Variants in MAPKBP1 observed in about 807,000 individuals in gnomAD.
MAPKBP1 encodes mitogen-activated protein kinase-binding protein 1.
In MAPKBP1, 71 loss-of-function variants were observed where a neutral mutation model predicts 170.5. That is an observed-to-expected ratio of 0.42 (90% CI 0.34 to 0.51). The LOEUF (loss-of-function observed/expected upper bound fraction) is 0.51, where lower values mean the gene tolerates loss of function less well. Among genes scored for constraint, MAPKBP1 ranks in the 20% least tolerant of loss-of-function variants. The pLI, the probability that MAPKBP1 is intolerant of heterozygous loss-of-function variation, is 0.06. For missense variants in MAPKBP1, 1,598 were observed against 1,933.0 expected (o/e 0.83, Z 3.25); for synonymous variants, 719 against 757.9 (o/e 0.95, Z 0.84).
chr15:41,818,431 A>C lies in MAPKBP1; in HGVS notation c.2093-88A>C. On this transcript the variant is annotated intron_variant, in intron 18 of 30. Transcript: ENST00000457542. The surrounding 1 kb of genome is among the most constrained non-coding windows in gnomAD (Gnocchi z 5.2). ...GCAGAGCTACCTATCCCTACCCTGC[A>C]GCCAACCCCCGTGTCCACTGTTGGG... 2 of 1,456,552 alleles carry C rather than the reference A, an allele frequency of 1.4e-6. No individual in the cohort carries two copies. The highest frequency in any genetic ancestry group is 1.9e-6 in the Non-Finnish European group (2 of 1,046,944). 90.2% of individuals were successfully genotyped at this position (1,456,552 alleles called of 1,614,324 possible). A position where few individuals can be genotyped will look rare whatever the true frequency, so the allele number is the denominator to read the frequency against.
At position 41,787,206 on chromosome 15, in the gene MAPKBP1, A is replaced by G. The variant is rs574242958; in HGVS notation, c.114+11817A>G. Reference sequence around the variant, plus strand: ...AATATTTTTTGATACTTTTTGAAGTACATGTGCTTTCTGAAAAGATTTGTT... The same window carrying G: ...AATATTTTTTGATACTTTTTGAAGTGCATGTGCTTTCTGAAAAGATTTGTT... On this transcript the variant is annotated intron_variant, in intron 2 of 30. Coordinates refer to ENST00000457542, the MANE Select transcript of MAPKBP1 (RefSeq NM_014994.3). Among the ~76,000 whole-genome samples the G allele has an allele frequency of 2.4e-4, 37 of 152,308 alleles. No homozygotes were observed. In the South Asian group the frequency reaches 7.3e-3, roughly 30 times the overall value.
At chr15:41,802,954 G>T (rs180862635) in intron 3 of MAPKBP1, among the ~76,000 whole-genome samples, 3 of 152,082 alleles carry the variant, frequency 2.0e-5, no homozygotes, top group Non-Finnish European at 4.4e-5. Flanking sequence ...ATAATCTTAC[G>T]GGACTACTGT....
chr15:41,790,993 T>A (rs924035717), intron 2 of MAPKBP1, among the ~76,000 whole-genome samples: 3 of 152,308 alleles, frequency 2.0e-5, no homozygotes, highest in Non-Finnish European at 2.9e-5. Flanking sequence ...TGGTAGAGAA[T>A]CTGCTTTGTG....
At chr15:41,787,812 T>C (rs2064326346) in intron 2 of MAPKBP1, among the ~76,000 whole-genome samples, 1 of 152,212 alleles carries the variant, frequency 6.6e-6, no homozygotes, top group East Asian at 1.9e-4. Flanking sequence ...TCTGTCTTTC[T>C]GGAAAGGCAT....
intron 5 of MAPKBP1, 105 bp from the exon 6 acceptor site, chr15:41,811,852 G>C (rs2064812263): frequency 8.9e-7 from 1 of 1,122,752 alleles, no homozygotes; most frequent in African/African-American, 1.5e-5. Flanking sequence ...GGAAGTGATG[G>C]TATCTAGTAG....
Position 41,811,734 on chromosome 15 carries a change from C to T in MAPKBP1, c.328-223C>T, listed in dbSNP as rs1275660273. 3 of 688,590 alleles carry T rather than the reference C, an allele frequency of 4.4e-6. No homozygotes were observed. The East Asian group carries it at 8.4e-5, about 19-fold the overall frequency. The allele number at this position is 688,590 out of a possible 1,614,324, so 42.7% of individuals were successfully genotyped here. A position where few individuals can be genotyped will look rare whatever the true frequency, so the allele number is the denominator to read the frequency against. On this transcript the variant is annotated intron_variant, in intron 5 of 30. Coordinates refer to ENST00000457542, the MANE Select transcript of MAPKBP1 (RefSeq NM_014994.3). ...TTGAACAACCTGAAGTACAGACGGC[C>T]ACCCAGAGATGCTGACTAAAATCCG...
chr15:41,819,547 C>CGGCGG lies in MAPKBP1; in HGVS notation c.2426-46_2426-45insCGGGG, dbSNP rs1555454018. 4.6e-5 allele frequency: 57 copies of CGGCGG among 1,235,850 alleles called. No individual in the cohort carries two copies. The Middle Eastern group carries it at 9.3e-4, about 20-fold the overall frequency. 76.6% of individuals were successfully genotyped at this position (1,235,850 alleles called of 1,614,324 possible). A position where few individuals can be genotyped will look rare whatever the true frequency, so the allele number is the denominator to read the frequency against. On this transcript the variant is annotated intron_variant, in intron 21 of 30. Coordinates refer to ENST00000457542, the MANE Select transcript of MAPKBP1 (RefSeq NM_014994.3). ...GGGCCAGGGCTCCAGGGTTGGGTGG[C>CGGCGG]GGGGGGGGGGCAGGAGACACTTCCT...
At chr15:41,784,193 T>C (rs2064240435) in intron 2 of MAPKBP1, among the ~76,000 whole-genome samples, 1 of 152,228 alleles carries the variant, frequency 6.6e-6, no homozygotes, top group Non-Finnish European at 1.5e-5. Context: ...TATAACATAA[T>C]AACCTGCTGC....
At chr15:41,793,024 G>A (rs746447344) in intron 2 of MAPKBP1, among the ~76,000 whole-genome samples, 7 of 151,854 alleles carry the variant, frequency 4.6e-5, no homozygotes, top group Non-Finnish European at 7.4e-5. Context: ...GGTTTTCTTC[G>A]CATACTTCCA....
At position 41,825,338 on chromosome 15, in the gene MAPKBP1, C is replaced by G. The variant is rs1451075354; in HGVS notation, c.4429C>G (p.Pro1477Ala). Residue 1477 changes from proline (P) to alanine (A), a missense_variant, in exon 31 of 31, where the codon CCT (proline) becomes GCT (alanine). By Grantham distance (27) the Pro-to-Ala change is conservative. This residue lies in a region of MAPKBP1 where 942 missense variants were observed against 953.2 expected (regional missense o/e 0.99). Coordinates refer to ENST00000457542, the MANE Select transcript of MAPKBP1 (RefSeq NM_014994.3). ...GAVLSSPGSS[P>A]GAVGAEQTQA... Reference sequence around the variant, plus strand: ...AGTGCTGTCCAGCCCAGGCAGCAGCCCTGGGGCTGTGGGAGCCGAGCAGAC... The same window carrying G: ...AGTGCTGTCCAGCCCAGGCAGCAGCGCTGGGGCTGTGGGAGCCGAGCAGAC... The G allele has an allele frequency of 1.9e-6, 3 of 1,613,404 alleles. No homozygotes were observed. Among genetic ancestry groups the G allele is most frequent in the Non-Finnish European group, 2.5e-6 (3 of 1,180,004 alleles).
intron 2 of MAPKBP1, among the ~76,000 whole-genome samples, chr15:41,787,761 T>C (rs2152070102): frequency 6.6e-6 from 1 of 152,290 alleles, no homozygotes; most frequent in South Asian, 2.1e-4. Context: ...GTTCTGTTTG[T>C]AATCATGTAT....
At chr15:41,814,001 A>G (rs917720399) in intron 9 of MAPKBP1, among the ~76,000 whole-genome samples, 4 of 152,160 alleles carry the variant, frequency 2.6e-5, no homozygotes, top group Admixed American at 2.6e-4. Flanking sequence ...GGGTGTTAGG[A>G]GGGACATATG....
chr15:41,825,452 C>T lies in MAPKBP1; in HGVS notation c.*16C>T. On this transcript the variant is annotated 3_prime_UTR_variant, in exon 31 of 31. Coordinates refer to ENST00000457542, the MANE Select transcript of MAPKBP1 (RefSeq NM_014994.3). ...CAAACTCTGAGTTCTGGAAGCCTGTCCCAAGTGAATGAATGCTCCAGCGAT... is the reference window on the plus strand; with the variant it reads ...CAAACTCTGAGTTCTGGAAGCCTGTTCCAAGTGAATGAATGCTCCAGCGAT... The T allele has an allele frequency of 6.3e-7, 1 of 1,581,382 alleles. No individual in the cohort carries two copies. Among genetic ancestry groups the T allele is most frequent in the Non-Finnish European group, 8.6e-7 (1 of 1,157,730 alleles).
At chr15:41,805,536 AG>A (rs1180913679) in intron 3 of MAPKBP1, among the ~76,000 whole-genome samples, 5 of 152,248 alleles carry the variant, frequency 3.3e-5, no homozygotes, top group African/African-American at 1.2e-4. Context: ...TGTCCCAGCA[AG>A]GTGACGGGGT....
chr15:41,817,488 CGGG>C lies in MAPKBP1; in HGVS notation c.1782+31_1782+33del. On this transcript the variant is annotated intron_variant, in intron 15 of 30. Coordinates refer to ENST00000457542, the MANE Select transcript of MAPKBP1 (RefSeq NM_014994.3). This position sits in a 1 kb window ranked among gnomAD's most constrained non-coding sequence, Gnocchi z 4.2. ...GGGCGCTGGGCTTTCCTGAGAGGGGCGGGACAGGGCGGGGTCTGCCATTCCCTG... is the reference window on the plus strand; with the variant it reads ...GGGCGCTGGGCTTTCCTGAGAGGGGCACAGGGCGGGGTCTGCCATTCCCTG... 1.3e-5 allele frequency: 7 copies of C among 558,316 alleles called. No individual in the cohort carries two copies. The highest frequency in any genetic ancestry group is 2.5e-5 in the Non-Finnish European group (7 of 285,602). The allele number at this position is 558,316 out of a possible 1,614,324, so 34.6% of individuals were successfully genotyped here.
chr15:41,794,638 T>G (rs1446855500), intron 2 of MAPKBP1, among the ~76,000 whole-genome samples: 1 of 152,150 alleles, frequency 6.6e-6, no homozygotes, highest in African/African-American at 2.4e-5. Context: ...TCCTGGGCTT[T>G]CACTGTTTCT....
At chr15:41,793,419 G>C (rs1432164891) in intron 2 of MAPKBP1, among the ~76,000 whole-genome samples, 1 of 152,078 alleles carries the variant, frequency 6.6e-6, no homozygotes, top group Non-Finnish European at 1.5e-5. Flanking sequence ...CTTGCAGTGA[G>C]GCAAGATTGT....
intron 5 of MAPKBP1, 172 bp from the exon 6 acceptor site, chr15:41,811,785 T>TCA (rs1428773904): frequency 2.7e-6 from 2 of 737,138 alleles, no homozygotes; most frequent in African/African-American, 3.5e-5. Context: ...TGGTAATCAC[T>TCA]GTTGCCCTCA....
intron 3 of MAPKBP1, among the ~76,000 whole-genome samples, chr15:41,809,286 CAG>C (rs1272093546): frequency 6.6e-6 from 1 of 150,384 alleles, no homozygotes; most frequent in Non-Finnish European, 1.5e-5. Context: ...GAAAAAAAAA[CAG>C]GAAGAGTTGA....
Sources: gnomAD v4.1 joint callset for allele counts (sites outside exome capture counted in the v4.1 genomes callset) on GRCh38, gnomAD v4.1.1 for gene constraint, gnomAD v4.1.1 regional missense constraint, Gnocchi (gnomAD v3.1) non-coding constraint, MANE v1.5 for transcripts, NCBI Gene and HGNC (gene_info 2026-07-23, HGNC 2026-07-21) for gene names.